Variants in HERC1 observed in about 807,000 individuals in gnomAD.
HERC1 encodes the protein probable E3 ubiquitin-protein ligase HERC1.
HERC1 carries 160 observed loss-of-function variants against 554.3 expected under a neutral mutation model. That is an observed-to-expected ratio of 0.29 (90% confidence interval 0.25 to 0.33). The LOEUF (loss-of-function observed/expected upper bound fraction) is 0.33, where lower values mean the gene tolerates loss of function less well. Ranked by LOEUF, HERC1 falls within the 10% of genes least tolerant of loss-of-function variation. The probability of loss-of-function intolerance (pLI) is 1.00; values close to 1 mark genes in which losing one functional copy is unlikely to be tolerated. For synonymous variants in HERC1, 2,175 were observed against 2,131.7 expected, an observed-to-expected ratio of 1.02 and a Z score of -0.56; for missense variants, 4,919 against 5,918.5, an observed-to-expected ratio of 0.83 and a Z score of 5.54.
chr15:63,706,991 A>G (rs1390805355), intron 24 of HERC1, among the ~76,000 whole-genome samples, 160 bp from the exon 25 acceptor site: 1 of 152,186 alleles, frequency 6.6e-6, no homozygotes. Flanking sequence ...CTAAAAACCC[A>G]CTGAACATAG....
chr15:63,656,579 C>T (rs551269797), intron 48 of HERC1, among the ~76,000 whole-genome samples: 1 of 152,304 alleles, frequency 6.6e-6, no homozygotes, highest in East Asian at 1.9e-4. Context: ...ACTTGAAGTA[C>T]AATTGAACTG....
At chr15:63,793,605 C>T (rs2076720845) in intron 1 of HERC1, among the ~76,000 whole-genome samples, 1 of 152,212 alleles carries the variant, frequency 6.6e-6, no homozygotes, top group Non-Finnish European at 1.5e-5. Context: ...GCAGCCCTTG[C>T]TGCTGCTCTG....
In HERC1 at chr15:63,666,426, TGGA is replaced by T. The variant is rs1460355219; in HGVS notation, c.8250_8252del (p.Pro2751del). 1.2e-6 allele frequency: 2 copies of T among 1,613,320 alleles called. No homozygotes were observed. Among genetic ancestry groups the T allele is most frequent in the Non-Finnish European group, 1.7e-6 (2 of 1,179,562 alleles). The stretch of plus-strand genomic sequence containing the variant: ...TTTCCAGCAAGGGAACTGCAATTGC[TGGA>T]GGAGGAGGAGAAGTTGAAAGTCTAC... On this transcript the variant is annotated inframe_deletion, in exon 41 of 78. Coordinates refer to ENST00000443617, the MANE Select transcript of HERC1 (RefSeq NM_003922.4).
chr15:63,811,726 G>A (rs1166142551), intron 1 of HERC1, among the ~76,000 whole-genome samples: 3 of 149,648 alleles, frequency 2.0e-5, no homozygotes, highest in African/African-American at 5.0e-5. Flanking sequence ...GGAGAATGGC[G>A]TGAACCCAGA....
intron 36 of HERC1, among the ~76,000 whole-genome samples, 177 bp from the exon 37 acceptor site, chr15:63,678,542 AG>A: frequency 6.6e-6 from 1 of 152,178 alleles, no homozygotes; most frequent in Non-Finnish European, 1.5e-5. Flanking sequence ...TGAAGTTAGT[AG>A]TGGTATGGTC....
In HERC1 at chr15:63,746,950, T is replaced by A. The variant is rs2075077347; in HGVS notation, c.2488A>T (p.Met830Leu). 1 of 1,553,112 alleles carries A rather than the reference T, an allele frequency of 6.4e-7. No individual in the cohort carries two copies. Among genetic ancestry groups the A allele is most frequent in the Non-Finnish European group, 8.7e-7 (1 of 1,147,758 alleles). Residue 830 changes from methionine (M) to leucine (L), a missense_variant, in exon 12 of 78, where the codon ATG becomes TTG. By Grantham distance (15) the Met-to-Leu change is conservative. Transcript: ENST00000443617. ...GPLRNLLFRL[M>L]DSTVPDEIQE... is the part of the protein sequence containing the mutation. Reference sequence around the variant, plus strand: ...ATTTCATCTGGGACAGTTGAGTCCATCAGTCTGAAGAGCAAATTTCGAAGT... The same window carrying A: ...ATTTCATCTGGGACAGTTGAGTCCAACAGTCTGAAGAGCAAATTTCGAAGT...
chr15:63,609,296 G>A (rs2067487315), intron 77 of HERC1, 30 bp from the exon 78 acceptor site: 10 of 1,573,940 alleles, frequency 6.4e-6, no homozygotes, highest in South Asian at 1.2e-5. Context: ...GCCGTGACTG[G>A]GGACATCAGA....
chr15:63,669,597 C>T lies in HERC1; in HGVS notation c.8147G>A (p.Gly2716Glu). The T allele has an allele frequency of 6.2e-7, 1 of 1,613,894 alleles. No homozygotes were observed. The highest frequency in any genetic ancestry group is 2.2e-5 in the East Asian group (1 of 44,888). Residue 2716 changes from glycine (G) to glutamate (E), a missense_variant, in exon 40 of 78, where the codon GGA (glycine) becomes GAA (glutamate). By Grantham distance (98) the Gly-to-Glu change is moderately conservative. This residue lies in a region of HERC1 where 1,963 missense variants were observed against 2,228.6 expected (regional missense o/e 0.88). Coordinates refer to ENST00000443617, the MANE Select transcript of HERC1 (RefSeq NM_003922.4). ...SLPTSPSDEV[G>E]RRQSLTSPDS... The stretch of plus-strand genomic sequence containing the variant: ...AGGAGAAGTTAAACTTTGCCTCCTT[C>T]CTACTTCATCAGAAGGAGAGGTTGG...
Position 63,696,214 on chromosome 15 carries a change from C to T in HERC1, c.5031G>A (p.Val1677=). Residue 1677 remains valine, a synonymous_variant, in exon 27 of 78, where the codon GTG becomes GTA. Coordinates refer to ENST00000443617, the MANE Select transcript of HERC1 (RefSeq NM_003922.4). ...AACACCCTGCTAGGAACTGCAGCCTCACAGACGTGAGTAGTGTGGAGGACT... is the reference window on the plus strand; with the variant it reads ...AACACCCTGCTAGGAACTGCAGCCTTACAGACGTGAGTAGTGTGGAGGACT... The part of the protein sequence containing the change: ...GFQSSTLLTS[V]RLQFLAGCFG... The T allele has an allele frequency of 6.2e-7, 1 of 1,613,614 alleles. No homozygotes were observed. The highest frequency in any genetic ancestry group is 8.5e-7 in the Non-Finnish European group (1 of 1,179,714).
chr15:63,647,747 AC>A (rs2069433339), intron 55 of HERC1, among the ~76,000 whole-genome samples: 1 of 152,236 alleles, frequency 6.6e-6, no homozygotes, highest in South Asian at 2.1e-4. Flanking sequence ...TAAGTCAGAC[AC>A]AGAAAGGCAA....
chr15:63,650,921 T>C (rs1566973414), intron 53 of HERC1, among the ~76,000 whole-genome samples: 6 of 152,112 alleles, frequency 3.9e-5, no homozygotes, highest in Admixed American at 1.3e-4. Context: ...ATAAACATAA[T>C]AGAAATATTT....
chr15:63,707,044 A>T (rs887149654), intron 24 of HERC1, among the ~76,000 whole-genome samples: 3 of 152,180 alleles, frequency 2.0e-5, no homozygotes, highest in African/African-American at 7.2e-5. Context: ...AACACTAACT[A>T]AAAAACTCAC....
At chr15:63,822,575 G>C (rs1460649007) in intron 1 of HERC1, among the ~76,000 whole-genome samples, 1 of 150,478 alleles carries the variant, frequency 6.6e-6, no homozygotes, top group Admixed American at 6.6e-5. Context: ...AACAGAGCAA[G>C]ACTCTGTCTC....
intron 12 of HERC1, among the ~76,000 whole-genome samples, chr15:63,740,345 G>A (rs1231469779): frequency 2.0e-5 from 3 of 152,192 alleles, no homozygotes. Flanking sequence ...ACAGACACAT[G>A]TTGTTTTCAC....
intron 3 of HERC1, among the ~76,000 whole-genome samples, chr15:63,762,702 T>C (rs2142334892): frequency 6.6e-6 from 1 of 152,242 alleles, no homozygotes; most frequent in South Asian, 2.1e-4. Context: ...TGAAAACTGG[T>C]AAATAAAGAG....
At chr15:63,652,329 A>G (rs1220697076) in intron 52 of HERC1, 85 bp downstream of exon 52, 10 of 1,299,544 alleles carry the variant, frequency 7.7e-6, no homozygotes, top group East Asian at 2.6e-5. Flanking sequence ...TTTTAGTGAC[A>G]ATATGATTAC....
At chr15:63,625,631 T>C (rs1369031359) in intron 71 of HERC1, among the ~76,000 whole-genome samples, 1 of 150,428 alleles carries the variant, frequency 6.6e-6, no homozygotes, top group African/African-American at 2.4e-5. Context: ...GAGGCAGAGG[T>C]TGCAGTGAGC....
intron 24 of HERC1, among the ~76,000 whole-genome samples, chr15:63,709,729 G>A (rs1377682202): frequency 6.6e-6 from 1 of 152,258 alleles, no homozygotes; most frequent in South Asian, 2.1e-4. Flanking sequence ...AATATGTAAA[G>A]CACTGTGTAG....
Position 63,694,826 on chromosome 15 carries a change from T to C in HERC1, c.5190A>G (p.Gln1730=), listed in dbSNP as rs1676528679. The C allele has an allele frequency of 6.2e-7, 1 of 1,613,846 alleles. No homozygotes were observed. The highest frequency in any genetic ancestry group is 1.7e-5 in the Admixed American group (1 of 60,016). The part of the protein sequence containing the change: ...EIQVAVHKIY[Q]QLSATLERAL... ...CTCTTTCCAGGGTAGCAGACAACTG[T>C]TGATAAATTTTATGCACAGCTACCT... is the stretch of plus-strand genomic sequence containing the variant. Residue 1730 remains glutamine, a synonymous_variant, in exon 28 of 78, where the codon CAA becomes CAG. Coordinates refer to ENST00000443617, the MANE Select transcript of HERC1 (RefSeq NM_003922.4). This position sits in a 1 kb window ranked among gnomAD's most constrained non-coding sequence, Gnocchi z 4.3.
Sources: gnomAD v4.1 joint callset for allele counts (sites outside exome capture counted in the v4.1 genomes callset) on GRCh38, gnomAD v4.1.1 for gene constraint, gnomAD v4.1.1 regional missense constraint, Gnocchi (gnomAD v3.1) non-coding constraint, MANE v1.5 for transcripts, NCBI Gene and HGNC (gene_info 2026-07-23, HGNC 2026-07-21) for gene names.